SBF2: variants seen among roughly 807,000 people sequenced by gnomAD.
SBF2 encodes the protein myotubularin-related protein 13.
In SBF2, 112 loss-of-function variants were observed where a neutral mutation model predicts 225.2. The ratio of observed to expected loss-of-function variants is 0.50; its 90% confidence interval spans 0.43 to 0.58. The LOEUF (loss-of-function observed/expected upper bound fraction) is 0.58, where lower values mean the gene tolerates loss of function less well. SBF2 is among the 20% of genes least tolerant of loss of function. The pLI, the probability that SBF2 is intolerant of heterozygous loss-of-function variation, is 0.00. For missense variants in SBF2, 1,996 were observed against 2,206.2 expected (o/e 0.90, Z 1.91); for synonymous variants, 763 against 773.3 (o/e 0.99, Z 0.22).
At chr11:9,896,091 C>T in intron 16 of SBF2, 80 bp from the exon 17 acceptor site, 2 of 1,099,276 alleles carry the variant, frequency 1.8e-6, no homozygotes, top group Admixed American at 3.4e-5. Context: ...ATCTGGGATA[C>T]ACTGTTTACT....
At chr11:10,129,885 C>T (rs899792937) in intron 2 of SBF2, among the ~76,000 whole-genome samples, 2 of 152,066 alleles carry the variant, frequency 1.3e-5, no homozygotes, top group Non-Finnish European at 2.9e-5. Flanking sequence ...TGGTGCATAC[C>T]TGTAATTCCA....
intron 16 of SBF2, among the ~76,000 whole-genome samples, chr11:9,923,496 C>T (rs778612436): frequency 1.3e-5 from 2 of 152,216 alleles, no homozygotes; most frequent in Non-Finnish European, 2.9e-5. Context: ...AGAAACATCA[C>T]GGCCACTGTT....
chr11:9,918,232 C>T (rs916448278), intron 16 of SBF2, among the ~76,000 whole-genome samples: 2 of 152,206 alleles, frequency 1.3e-5, no homozygotes, highest in Non-Finnish European at 2.9e-5. Context: ...AACCTTTACT[C>T]CTATCCATTT....
chr11:10,068,130 G>T (rs1404877100), intron 2 of SBF2, among the ~76,000 whole-genome samples: 1 of 152,178 alleles, frequency 6.6e-6, no homozygotes, highest in African/African-American at 2.4e-5. Context: ...TGGATTACCT[G>T]ATCTATTGCT....
intron 15 of SBF2, 145 bp from the exon 16 acceptor site, chr11:9,962,251 TTTA>T (rs1866622859): frequency 1.7e-6 from 1 of 599,856 alleles, no homozygotes; most frequent in Non-Finnish European, 2.9e-6. Flanking sequence ...GAATAGGTGA[TTTA>T]TTATTAAGAC....
chr11:10,062,777 C>T (rs542499835), intron 2 of SBF2, among the ~76,000 whole-genome samples: 24 of 152,208 alleles, frequency 1.6e-4, no homozygotes, highest in Non-Finnish European at 2.9e-4. Flanking sequence ...GAAAGCAGTA[C>T]GGTGATTCCT....
In SBF2 at chr11:9,812,682, A is replaced by T; in HGVS notation, c.4005T>A (p.Asn1335Lys). ...LRNFKVEFALNCEFVPVEFHE... is the reference protein window; with the variant it reads ...LRNFKVEFALKCEFVPVEFHE... ...GAAATTCAACAGGAACAAACTCACA[A>T]TTTAAAGCAAATTCTACCTTGAAGT... Residue 1335 changes from asparagine to lysine, a missense_variant, in exon 30 of 40, where the codon AAT (asparagine) becomes AAA (lysine). Asn to Lys is a moderately conservative substitution (Grantham distance 94). Coordinates refer to ENST00000256190, the MANE Select transcript of SBF2 (RefSeq NM_030962.4). 6.2e-7 allele frequency: 1 copy of T among 1,614,204 alleles called. No homozygotes were observed. The highest frequency in any genetic ancestry group is 8.5e-7 in the Non-Finnish European group (1 of 1,180,038).
rs1473313008 is a variant in SBF2, at chr11:10,029,854, T to G, written c.424A>C (p.Thr142Pro). The change falls in exon 5 of 40, where the codon ACC becomes CCC. Residue 142 changes from threonine (T) to proline (P), a missense_variant. Physicochemically the swap from Thr to Pro is conservative, Grantham distance 38. Transcript: ENST00000256190. ...IFRACLGLIY[T>P]VYVDSLNVSL... Reference sequence around the variant, plus strand: ...ACATTCAGGCTGTCCACATACACGGTATAGATCAAACCCAGGCAAGCCTGC... The same window carrying G: ...ACATTCAGGCTGTCCACATACACGGGATAGATCAAACCCAGGCAAGCCTGC... The G allele has an allele frequency of 1.9e-6, 3 of 1,613,292 alleles. No individual in the cohort carries two copies. Among genetic ancestry groups the G allele is most frequent in the Non-Finnish European group, 2.5e-6 (3 of 1,179,362 alleles).
chr11:9,827,099 A>G (rs1233795573), intron 28 of SBF2, among the ~76,000 whole-genome samples: 1 of 152,082 alleles, frequency 6.6e-6, no homozygotes, highest in East Asian at 1.9e-4. Flanking sequence ...CAGCCTCCCA[A>G]AGTGCTGGGA....
chr11:9,886,794 G>C (rs1291769422), intron 17 of SBF2, among the ~76,000 whole-genome samples: 1 of 141,450 alleles, frequency 7.1e-6, no homozygotes, highest in African/African-American at 2.6e-5. Flanking sequence ...TATCATTCAT[G>C]GGCACACATG....
intron 2 of SBF2, among the ~76,000 whole-genome samples, chr11:10,047,416 A>C (rs1949904766): frequency 6.6e-6 from 1 of 152,200 alleles, no homozygotes; most frequent in South Asian, 2.1e-4. Context: ...GCAAAAGAAT[A>C]GGCAAAGAGA....
intron 2 of SBF2, among the ~76,000 whole-genome samples, chr11:10,097,347 TC>T (rs1256923496): frequency 3.3e-5 from 5 of 152,336 alleles, no homozygotes; most frequent in African/African-American, 1.2e-4. Context: ...TAAATTACTG[TC>T]TGTAGTATTT....
chr11:10,179,492 T>C (rs1461253148), intron 2 of SBF2, among the ~76,000 whole-genome samples: 4 of 152,168 alleles, frequency 2.6e-5, no homozygotes, highest in African/African-American at 9.7e-5. Context: ...GAACATATAT[T>C]CTGTAGCTGC....
At position 10,027,380 on chromosome 11, in the gene SBF2, T is replaced by C. The variant is rs567423320; in HGVS notation, c.619+1072A>G. On this transcript the variant is annotated intron_variant, in intron 6 of 39. Transcript: ENST00000256190. ...TCTAAGGCTTTCTAACTTTCACTGA[T>C]TGAAGTTAAAGCAGAAGTATATGGA... is the stretch of plus-strand genomic sequence containing the variant. Among the ~76,000 whole-genome samples the C allele has an allele frequency of 2.0e-5, 3 of 152,266 alleles. No individual in the cohort carries two copies. The East Asian group carries it at 5.8e-4, about 29-fold the overall frequency.
At chr11:10,180,223 T>C (rs1238441408) in intron 2 of SBF2, among the ~76,000 whole-genome samples, 5 of 152,184 alleles carry the variant, frequency 3.3e-5, no homozygotes, top group Admixed American at 3.3e-4. Context: ...TTTTTTTCTT[T>C]CTGATGGAGC....
chr11:10,149,467 G>T (rs1955061262), intron 2 of SBF2: 1 of 152,060 alleles, frequency 6.6e-6, no homozygotes, highest in Non-Finnish European at 1.5e-5. Flanking sequence ...CATTTGGCAA[G>T]GTAATGCAAT....
At chr11:9,848,613 G>A (rs1398218809) in intron 22 of SBF2, among the ~76,000 whole-genome samples, 1 of 152,212 alleles carries the variant, frequency 6.6e-6, no homozygotes, top group African/African-American at 2.4e-5. Flanking sequence ...TAAGTATCAC[G>A]TTTACGTGTC....
chr11:10,182,464 C>A (rs1362498975), intron 2 of SBF2, among the ~76,000 whole-genome samples: 1 of 152,158 alleles, frequency 6.6e-6, no homozygotes, highest in East Asian at 1.9e-4. Flanking sequence ...AAGTCTTTCA[C>A]ATAATGATTT....
At chr11:9,871,372 C>T (rs1040901347) in intron 17 of SBF2, among the ~76,000 whole-genome samples, 1 of 151,174 alleles carries the variant, frequency 6.6e-6, no homozygotes, top group African/African-American at 2.4e-5. Context: ...ATACATGTGG[C>T]CAACAAACAT....
Sources: allele counts gnomAD v4.1 joint callset (sites outside exome capture counted in the v4.1 genomes callset), GRCh38; gene constraint gnomAD v4.1.1; transcripts MANE v1.5; gene names NCBI Gene and HGNC (gene_info 2026-07-23, HGNC 2026-07-21).